Variants in NRXN1 observed in about 807,000 individuals in gnomAD.
NRXN1 encodes the protein neurexin 1.
A neutral mutation model predicts 150.9 loss-of-function variants in NRXN1; 39 were observed. The observed-to-expected ratio is 0.26, with a 90% CI of 0.20 to 0.34. The LOEUF (loss-of-function observed/expected upper bound fraction) is 0.34. NRXN1 is among the 10% of genes least tolerant of loss of function. The pLI, the probability that NRXN1 is intolerant of heterozygous loss-of-function variation, is 1.00. For missense variants in NRXN1, 1,815 were observed against 1,949.9 expected (o/e 0.93, Z 1.30); for synonymous variants, 924 against 757.0 (o/e 1.22, Z -3.62).
chr2:50,843,924 T>C (rs1422486285), intron 5 of NRXN1, among the ~76,000 whole-genome samples: 9 of 152,166 alleles, frequency 5.9e-5, no homozygotes, highest in African/African-American at 2.2e-4. Context: ...AACCCTAACA[T>C]AAAAAGGTCA....
intron 17 of NRXN1, among the ~76,000 whole-genome samples, chr2:50,315,284 A>G (rs1191970097): frequency 6.6e-6 from 1 of 152,090 alleles, no homozygotes; most frequent in Non-Finnish European, 1.5e-5. Flanking sequence ...TGAACAGGCA[A>G]TTAAAAGTTA....
At chr2:50,178,379 G>T (rs541478204) in intron 18 of NRXN1, among the ~76,000 whole-genome samples, 1 of 152,028 alleles carries the variant, frequency 6.6e-6, no homozygotes, top group Non-Finnish European at 1.5e-5. Context: ...CTCACTGGCT[G>T]TTAAGAGGAC....
At chr2:50,838,644 G>T (rs1047128369) in intron 5 of NRXN1, among the ~76,000 whole-genome samples, 1 of 152,088 alleles carries the variant, frequency 6.6e-6, no homozygotes, top group African/African-American at 2.4e-5. Flanking sequence ...TGCACAGAAA[G>T]AAGATATTGT....
At chr2:50,991,627 T>G (rs926404628) in intron 2 of NRXN1, among the ~76,000 whole-genome samples, 1 of 152,036 alleles carries the variant, frequency 6.6e-6, no homozygotes, top group Non-Finnish European at 1.5e-5. Flanking sequence ...CACTTTGCAT[T>G]TGTCAATGAG....
At chr2:50,280,409 T>C (rs980675396) in intron 17 of NRXN1, among the ~76,000 whole-genome samples, 1 of 152,186 alleles carries the variant, frequency 6.6e-6, no homozygotes, top group African/African-American at 2.4e-5. Context: ...CTCCTGAGAT[T>C]TTCTGAGGTT....
intron 5 of NRXN1, among the ~76,000 whole-genome samples, chr2:50,738,265 A>AGTAGTTGC (rs1470551295): frequency 6.6e-6 from 1 of 152,228 alleles, no homozygotes; most frequent in African/African-American, 2.4e-5. Flanking sequence ...ATGACACTGC[A>AGTAGTTGC]TCATCAAACT....
At chr2:50,053,150 AG>A in intron 21 of NRXN1, 120 bp downstream of exon 21, 1 of 941,526 alleles carries the variant, frequency 1.1e-6, no homozygotes. Context: ...CTAGTTTCAA[AG>A]GAAGCTGTAG....
chr2:50,908,362 T>TACACACACACACACACACACACACACAC, intron 5 of NRXN1, among the ~76,000 whole-genome samples: 1 of 148,140 alleles, frequency 6.8e-6, no homozygotes, highest in South Asian at 2.1e-4. Context: ...CATTCACACA[T>TACACACACACACACACACACACACACAC]ACACACACAC....
chr2:50,679,904 G>A (rs1428085723), intron 5 of NRXN1, among the ~76,000 whole-genome samples: 1 of 152,026 alleles, frequency 6.6e-6, no homozygotes, highest in African/African-American at 2.4e-5. Context: ...AGGCCAAGAT[G>A]GGCAGATCAC....
At chr2:50,351,954 T>A (rs949809897) in intron 17 of NRXN1, among the ~76,000 whole-genome samples, 1 of 152,160 alleles carries the variant, frequency 6.6e-6, no homozygotes, top group South Asian at 2.1e-4. Context: ...AATGTCTAGA[T>A]CTGTAGCAGA....
chr2:50,559,182 C>T (rs1375141213), intron 8 of NRXN1, among the ~76,000 whole-genome samples: 1 of 152,152 alleles, frequency 6.6e-6, no homozygotes, highest in African/African-American at 2.4e-5. Context: ...TTTCTACGCA[C>T]CATCTCCTTA....
chr2:50,357,592 G>T (rs1039326005), intron 17 of NRXN1, among the ~76,000 whole-genome samples: 2 of 152,136 alleles, frequency 1.3e-5, no homozygotes, highest in African/African-American at 4.8e-5. Context: ...ACAGGCATGA[G>T]CTACCGCGCC....
chr2:50,747,163 C>A (rs1700121122), intron 5 of NRXN1, among the ~76,000 whole-genome samples: 1 of 152,080 alleles, frequency 6.6e-6, no homozygotes, highest in Admixed American at 6.6e-5. Context: ...TACAACGGGT[C>A]ATTTAGGTTG....
chr2:50,039,381 G>A (rs552865089), intron 21 of NRXN1, among the ~76,000 whole-genome samples: 21 of 152,200 alleles, frequency 1.4e-4, no homozygotes, highest in African/African-American at 4.6e-4. Flanking sequence ...CAGGATAATC[G>A]CTTGAACCTG....
At chr2:50,167,517 A>G (rs907609620) in intron 18 of NRXN1, among the ~76,000 whole-genome samples, 5 of 152,222 alleles carry the variant, frequency 3.3e-5, no homozygotes, top group Admixed American at 2.0e-4. Context: ...AGCTCCAGTG[A>G]GAATTTAAAA....
At chr2:50,031,420 C>A (rs186794917) in intron 21 of NRXN1, among the ~76,000 whole-genome samples, 1 of 151,880 alleles carries the variant, frequency 6.6e-6, no homozygotes, top group African/African-American at 2.4e-5. Context: ...TTTTTCTTAT[C>A]CATATCCAGG....
At chr2:50,303,670 C>T (rs1002837746) in intron 17 of NRXN1, among the ~76,000 whole-genome samples, 3 of 152,046 alleles carry the variant, frequency 2.0e-5, no homozygotes, top group Admixed American at 1.3e-4. Flanking sequence ...GAATACACCA[C>T]AAAAAATTAC....
intron 5 of NRXN1, among the ~76,000 whole-genome samples, chr2:50,758,698 A>G (rs1000354963): frequency 6.6e-6 from 1 of 151,836 alleles, no homozygotes; most frequent in African/African-American, 2.4e-5. Context: ...CTTTTTCCAG[A>G]GTAACATGGT....
At chr2:50,003,830 G>A (rs771549341) in intron 21 of NRXN1, among the ~76,000 whole-genome samples, 8 of 152,098 alleles carry the variant, frequency 5.3e-5, no homozygotes, top group Non-Finnish European at 1.0e-4. Context: ...GGCACTGATA[G>A]ACATAAAATA....
Sources: allele counts gnomAD v4.1 joint callset (sites outside exome capture counted in the v4.1 genomes callset), GRCh38; gene constraint gnomAD v4.1.1; transcripts MANE v1.5; gene names NCBI Gene and HGNC (gene_info 2026-07-23, HGNC 2026-07-21).